The following MACROD2 variants were observed in gnomAD, a reference collection of about 807,000 sequenced individuals.
The protein encoded by MACROD2 is mono-ADP ribosylhydrolase 2.
MACROD2 carries 36 observed loss-of-function variants against 70.4 expected under a neutral mutation model. The ratio of observed to expected loss-of-function variants is 0.51; its 90% confidence interval spans 0.39 to 0.68. The LOEUF (loss-of-function observed/expected upper bound fraction) is 0.68, where lower values mean the gene tolerates loss of function less well. Ranked by LOEUF, MACROD2 falls within the 30% of genes least tolerant of loss-of-function variation. MACROD2 has a pLI of 0.00. For missense variants in MACROD2, 496 were observed against 538.4 expected (o/e 0.92, Z 0.78); for synonymous variants, 172 against 178.8 (o/e 0.96, Z 0.30).
intron 8 of MACROD2, among the ~76,000 whole-genome samples, chr20:15,541,507 G>C (rs573913866): frequency 6.6e-6 from 1 of 152,198 alleles, no homozygotes; most frequent in East Asian, 1.9e-4. Flanking sequence ...CTGGGTCTTT[G>C]AGTTTTCTTT....
rs548963130 is a variant in MACROD2 at position 15,757,292 on chromosome 20, G to A, written c.646-105453G>A. Among the ~76,000 whole-genome samples, 151 of 152,204 alleles carry A rather than the reference G, an allele frequency of 9.9e-4. 1 individual carries two copies. The highest frequency in any genetic ancestry group is 3.2e-3 in the African/African-American group (132 of 41,540). The stretch of plus-strand genomic sequence containing the variant: ...CAGTAATAGTTATTTTTCAATAGAA[G>A]GAGAGATCAGAGTAAATCAGTTAAA... On this transcript the variant is annotated intron_variant, in intron 8 of 17. Coordinates refer to ENST00000684519, the MANE Select transcript of MACROD2 (RefSeq NM_001351661.2).
chr20:14,841,243 T>C (rs2073083787), intron 5 of MACROD2, among the ~76,000 whole-genome samples: 1 of 152,056 alleles, frequency 6.6e-6, no homozygotes, highest in African/African-American at 2.4e-5. Flanking sequence ...AGAAAAGAAA[T>C]TAAATAGGCA....
intron 4 of MACROD2, among the ~76,000 whole-genome samples, chr20:14,532,672 G>A (rs1420998991): frequency 1.3e-5 from 2 of 152,126 alleles, no homozygotes; most frequent in African/African-American, 4.8e-5. Flanking sequence ...GAGAGTGAAT[G>A]TTTCAGATGT....
intron 5 of MACROD2, among the ~76,000 whole-genome samples, chr20:14,900,247 A>G (rs1326533133): frequency 6.6e-6 from 1 of 152,098 alleles, no homozygotes; most frequent in Non-Finnish European, 1.5e-5. Context: ...ACCTATATTC[A>G]TAGGGGATAT....
At chr20:14,423,508 T>G (rs2083898428) in intron 3 of MACROD2, among the ~76,000 whole-genome samples, 1 of 151,444 alleles carries the variant, frequency 6.6e-6, no homozygotes, top group Admixed American at 6.6e-5. Flanking sequence ...GACCACCCTG[T>G]CTAACACGGT....
At chr20:14,107,362 G>GA (rs1461564980) in intron 3 of MACROD2, among the ~76,000 whole-genome samples, 2 of 151,816 alleles carry the variant, frequency 1.3e-5, no homozygotes, top group Non-Finnish European at 2.9e-5. Flanking sequence ...AGAAACAAAA[G>GA]AAAAAAGTAT....
intron 6 of MACROD2, among the ~76,000 whole-genome samples, chr20:15,303,037 T>G: frequency 6.6e-6 from 1 of 152,206 alleles, no homozygotes; most frequent in Admixed American, 6.5e-5. Context: ...AGTGACATGC[T>G]TGGTAAATAG....
chr20:15,275,922 T>G (rs2077386843), intron 6 of MACROD2, among the ~76,000 whole-genome samples: 1 of 152,122 alleles, frequency 6.6e-6, no homozygotes, highest in Admixed American at 6.5e-5. Context: ...TGGATATTGA[T>G]TTTTAAAATG....
At chr20:15,795,318 T>G (rs368281646) in intron 8 of MACROD2, among the ~76,000 whole-genome samples, 1 of 152,110 alleles carries the variant, frequency 6.6e-6, no homozygotes. Context: ...TCTATAGATA[T>G]CTGACTAAAG....
chr20:14,043,677 C>T lies in MACROD2; in HGVS notation c.163+41273C>T, dbSNP rs146564579. On this transcript the variant is annotated intron_variant, in intron 2 of 17. Transcript: ENST00000684519. ...ATTTCTCCAGGGTATGGGAGAACCT[C>T]TTCTGAAATGGGTGTCTTATTACCT... Among the ~76,000 whole-genome samples, 85 of 152,320 alleles carry T rather than the reference C, an allele frequency of 5.6e-4. No homozygotes were observed. The Middle Eastern group carries it at 0.01, about 18-fold the overall frequency.
intron 8 of MACROD2, among the ~76,000 whole-genome samples, chr20:15,547,765 T>C (rs1344769252): frequency 6.6e-6 from 1 of 152,218 alleles, no homozygotes; most frequent in Non-Finnish European, 1.5e-5. Context: ...ACTGAGCATG[T>C]AGCAGGACCG....
intron 3 of MACROD2, among the ~76,000 whole-genome samples, chr20:14,120,764 C>T (rs537926502): frequency 6.6e-6 from 1 of 151,200 alleles, no homozygotes; most frequent in South Asian, 2.1e-4. Context: ...TTTGCAGGGA[C>T]ATGTATGAAT....
intron 5 of MACROD2, among the ~76,000 whole-genome samples, chr20:14,782,633 G>A (rs145046714): frequency 6.6e-6 from 1 of 152,182 alleles, no homozygotes; most frequent in East Asian, 1.9e-4. Flanking sequence ...CTCAATTCCT[G>A]ACAACTGTAA....
At chr20:15,621,007 G>T (rs2049117125) in intron 8 of MACROD2, among the ~76,000 whole-genome samples, 1 of 152,116 alleles carries the variant, frequency 6.6e-6, no homozygotes, top group Admixed American at 6.5e-5. Flanking sequence ...GGTGATAACT[G>T]GGGGCCTGGG....
At chr20:14,703,611 A>C (rs1243976946) in intron 5 of MACROD2, among the ~76,000 whole-genome samples, 1 of 152,194 alleles carries the variant, frequency 6.6e-6, no homozygotes, top group Admixed American at 6.5e-5. Context: ...GCGACTAGGG[A>C]GGCTTGAGGC....
intron 5 of MACROD2, among the ~76,000 whole-genome samples, chr20:15,078,294 T>C (rs1474424533): frequency 6.6e-6 from 1 of 152,150 alleles, no homozygotes; most frequent in East Asian, 1.9e-4. Flanking sequence ...CTCCTTGGAA[T>C]ATCCATAGTC....
At chr20:15,542,095 G>C (rs2047965185) in intron 8 of MACROD2, among the ~76,000 whole-genome samples, 1 of 152,114 alleles carries the variant, frequency 6.6e-6, no homozygotes, top group African/African-American at 2.4e-5. Context: ...AATGTGACAG[G>C]CATCTTGGGG....
At chr20:15,661,864 C>G (rs1325639594) in intron 8 of MACROD2, among the ~76,000 whole-genome samples, 1 of 152,156 alleles carries the variant, frequency 6.6e-6, no homozygotes, top group Non-Finnish European at 1.5e-5. Flanking sequence ...TAATGCATCC[C>G]ACATTCGTAG....
At chr20:15,923,296 G>A (rs970071517) in intron 10 of MACROD2, among the ~76,000 whole-genome samples, 12 of 152,236 alleles carry the variant, frequency 7.9e-5, no homozygotes, top group African/African-American at 1.9e-4. Context: ...CTTCCATGGC[G>A]GTGGCAAGAG....
Sources: gnomAD v4.1 joint callset for allele counts (sites outside exome capture counted in the v4.1 genomes callset) on GRCh38, gnomAD v4.1.1 for gene constraint, MANE v1.5 for transcripts, NCBI Gene and HGNC (gene_info 2026-07-23, HGNC 2026-07-21) for gene names.